The following DPH6 variants were observed in gnomAD, a reference collection of about 807,000 sequenced individuals.
DPH6 encodes diphthamine biosynthesis 6.
Under a neutral mutation model 38.2 loss-of-function variants are expected in DPH6, and 33 were observed. The observed-to-expected ratio is 0.86, with a 90% confidence interval of 0.65 to 1.15. The LOEUF (loss-of-function observed/expected upper bound fraction) is 1.15, where lower values mean the gene tolerates loss of function less well. DPH6 is among the 50% of genes most tolerant of loss of function. DPH6 has a pLI of 0.00. For synonymous variants in DPH6, 108 were observed against 103.0 expected, an observed-to-expected ratio of 1.05 and a Z score of -0.30; for missense variants, 325 against 320.0, an observed-to-expected ratio of 1.02 and a Z score of -0.12.
chr15:35,205,222 G>T, the DPH6 span, among the ~76,000 whole-genome samples: 7 of 151,860 alleles, frequency 4.6e-5, no homozygotes, highest in Non-Finnish European at 8.8e-5. Flanking sequence ...CTCTTTGTTG[G>T]TTTATTATTG....
At chr15:35,481,387 T>G (rs1470051950) in intron 3 of DPH6, among the ~76,000 whole-genome samples, 1 of 152,006 alleles carries the variant, frequency 6.6e-6, no homozygotes, top group Non-Finnish European at 1.5e-5. Flanking sequence ...AGAGAAAAGA[T>G]TACAGAAGAT....
the DPH6 span, among the ~76,000 whole-genome samples, chr15:35,210,444 T>G: frequency 0.044 from 6,732 of 152,264 alleles, 390 homozygotes; most frequent in East Asian, 0.3. Context: ...TGCAACGAAG[T>G]TGACTGAGTT....
At position 35,349,659 on chromosome 15, in the gene DPH6, T is replaced by C. The variant is rs528316025; in HGVS notation, n.208-18582A>G. Among the ~76,000 whole-genome samples, 4 of 152,312 alleles carry C rather than the reference T, an allele frequency of 2.6e-5. No individual in the cohort carries two copies. The East Asian group carries it at 7.7e-4, about 29-fold the overall frequency. ...CATGTTGGCCAAGCTGGTCTTGAAC[T>C]CCTGACCTCAAGTGATCTGCCCACC... On this transcript the variant is annotated intron_variant and non_coding_transcript_variant, in intron 3 of 3. Coordinates refer to the DPH6 transcript ENST00000558973.
At chr15:35,219,969 A>G (rs538586299) in exon 4 of DPH6, 6 of 152,216 alleles carry the variant, frequency 3.9e-5, no homozygotes, top group Non-Finnish European at 5.9e-5. Context: ...CCATAATGGA[A>G]TTAGAATTAA....
At chr15:35,339,757 T>C (rs1019936450) in intron 3 of DPH6, among the ~76,000 whole-genome samples, 1 of 152,342 alleles carries the variant, frequency 6.6e-6, no homozygotes, top group Non-Finnish European at 1.5e-5. Context: ...GACTGTTTTT[T>C]ATGACTTTAG....
the DPH6 span, among the ~76,000 whole-genome samples, chr15:35,200,952 A>G: frequency 1.3e-5 from 2 of 149,822 alleles, no homozygotes; most frequent in Non-Finnish European, 3.0e-5. Flanking sequence ...AAAGAAAACT[A>G]AAATCACCTG....
intron 3 of DPH6, among the ~76,000 whole-genome samples, chr15:35,319,353 G>T (rs1566868456): frequency 1.3e-5 from 2 of 152,174 alleles, no homozygotes; most frequent in African/African-American, 4.8e-5. Context: ...AGATTATATT[G>T]TTGTGGTTCA....
chr15:35,308,889 T>C (rs1031861366), intron 3 of DPH6, among the ~76,000 whole-genome samples: 9 of 152,182 alleles, frequency 5.9e-5, no homozygotes, highest in African/African-American at 2.2e-4. Context: ...AGAACGGACA[T>C]TCAAAGTACA....
chr15:35,465,281 T>C (rs1389615593), intron 3 of DPH6, among the ~76,000 whole-genome samples: 1 of 152,234 alleles, frequency 6.6e-6, no homozygotes, highest in Non-Finnish European at 1.5e-5. Context: ...AAAGTGTTTT[T>C]CATCTGAAAG....
At position 35,458,322 on chromosome 15, in the gene DPH6, C is replaced by T. The variant is rs181656333; in HGVS notation, c.313-3502G>A. Reference sequence around the variant, plus strand: ...TTAACACTCTTTCTCATTATGACTTCTCAAGACTAGCCTACTAACCCTTGA... The same window carrying T: ...TTAACACTCTTTCTCATTATGACTTTTCAAGACTAGCCTACTAACCCTTGA... On this transcript the variant is annotated intron_variant, in intron 3 of 8. Transcript: ENST00000256538. Among the ~76,000 whole-genome samples the T allele has an allele frequency of 3.4e-3, 518 of 152,222 alleles. 1 individual carries two copies. The highest frequency in any genetic ancestry group is 0.012 in the African/African-American group (486 of 41,536).
intron 6 of DPH6, among the ~76,000 whole-genome samples, chr15:35,410,435 T>G (rs1280102322): frequency 6.6e-6 from 1 of 151,734 alleles, no homozygotes; most frequent in Non-Finnish European, 1.5e-5. Context: ...GCAAGTTAAT[T>G]TCCTAATTGG....
At chr15:35,214,827 C>T (rs974492489), downstream of DPH6, among the ~76,000 whole-genome samples, 5 of 152,064 alleles carry the variant, frequency 3.3e-5, no homozygotes, top group African/African-American at 4.8e-5. Context: ...AGGCTTGTCT[C>T]GAACTCCTGA....
chr15:35,145,922 G>A, the DPH6 span, among the ~76,000 whole-genome samples: 6 of 152,084 alleles, frequency 3.9e-5, no homozygotes, highest in Non-Finnish European at 7.4e-5. Context: ...AAAACAAATA[G>A]TATATGAAAC....
chr15:35,410,270 C>T (rs1283923376), intron 6 of DPH6, among the ~76,000 whole-genome samples: 1 of 151,680 alleles, frequency 6.6e-6, no homozygotes, highest in Non-Finnish European at 1.5e-5. Context: ...CTAAACATAA[C>T]ATTTGTTCTA....
chr15:35,331,568 AAG>A (rs1431956747), intron 3 of DPH6, among the ~76,000 whole-genome samples: 2 of 152,226 alleles, frequency 1.3e-5, no homozygotes, highest in African/African-American at 4.8e-5. Context: ...GTTGTCCCAA[AAG>A]AGAGTCTAAC....
At chr15:35,209,178 T>C in the DPH6 span, among the ~76,000 whole-genome samples, 1 of 152,164 alleles carries the variant, frequency 6.6e-6, no homozygotes, top group Non-Finnish European at 1.5e-5. Flanking sequence ...CATATTAATT[T>C]TTCTCATAGT....
chr15:35,353,474 A>G (rs924031681), intron 3 of DPH6, among the ~76,000 whole-genome samples: 3,677 of 152,236 alleles, frequency 0.024, 60 homozygotes, highest in African/African-American at 0.045. Context: ...TAAGGAAGGG[A>G]TCCAGTTTCA....
At chr15:35,279,292 C>T (rs912402135) in intron 3 of DPH6, among the ~76,000 whole-genome samples, 1 of 151,782 alleles carries the variant, frequency 6.6e-6, no homozygotes, top group East Asian at 1.9e-4. Flanking sequence ...AGACTTTGGA[C>T]TTGGGACTTT....
chr15:35,420,618 G>A (rs2053493173), intron 5 of DPH6, among the ~76,000 whole-genome samples: 1 of 152,216 alleles, frequency 6.6e-6, no homozygotes, highest in Non-Finnish European at 1.5e-5. Flanking sequence ...CTGGGATCAA[G>A]CATTCTCCTG....
Sources: gnomAD v4.1 joint callset for allele counts (sites outside exome capture counted in the v4.1 genomes callset) on GRCh38, gnomAD v4.1.1 for gene constraint, MANE v1.5 for transcripts, NCBI Gene and HGNC (gene_info 2026-07-23, HGNC 2026-07-21) for gene names.